CELF1: variants seen among roughly 807,000 people sequenced by gnomAD.
CELF1 encodes the protein CUGBP Elav-like family member 1, also known as 50 kDa nuclear polyadenylated RNA-binding protein.
A neutral mutation model predicts 61.8 loss-of-function variants in CELF1; 10 were observed. The observed-to-expected ratio is 0.16, with a 90% CI of 0.10 to 0.27. The LOEUF (loss-of-function observed/expected upper bound fraction) is 0.27. Among genes scored for constraint, CELF1 ranks in the 10% least tolerant of loss-of-function variants. CELF1 has a pLI of 1.00. For synonymous variants in CELF1, 236 were observed against 225.1 expected (o/e 1.05, Z -0.43); for missense variants, 380 against 639.1 (o/e 0.59, Z 4.37).
chr11:47,487,520 A>G (rs1465283888), intron 4 of CELF1, among the ~76,000 whole-genome samples: 1 of 152,210 alleles, frequency 6.6e-6, no homozygotes, highest in African/African-American at 2.4e-5. Flanking sequence ...CTTCTCATAA[A>G]GAAAGGTCAT....
Position 47,466,620 on chromosome 11 carries a change from T to C in CELF1, c.*5610A>G, listed in dbSNP as rs927273767. On this transcript the variant is annotated 3_prime_UTR_variant, in exon 15 of 15. Coordinates refer to ENST00000687097, the MANE Select transcript of CELF1 (RefSeq NM_001376376.1). ...AGCAGCTGGAAATCAGAAAGGCAGC[T>C]GCCGCTCCAGGGTCTCAAATCCATT... 2 of 152,114 alleles carry C rather than the reference T, an allele frequency of 1.3e-5. No homozygotes were observed. The highest frequency in any genetic ancestry group is 4.8e-5 in the African/African-American group (2 of 41,430). 9.4% of individuals were successfully genotyped at this position (152,114 alleles called of 1,614,324 possible).
chr11:47,482,587 T>C, intron 9 of CELF1, 108 bp downstream of exon 9: 1 of 1,058,646 alleles, frequency 9.4e-7, no homozygotes. Flanking sequence ...ATATAATTTC[T>C]ATATGCCAAA....
chr11:47,472,455 C>A, intron 14 of CELF1, 98 bp from the exon 15 acceptor site: 1 of 1,350,820 alleles, frequency 7.4e-7, no homozygotes, highest in East Asian at 2.3e-5. Flanking sequence ...CATCTCAAAT[C>A]CCAATTTTAT....
At position 47,563,555 on chromosome 11, in the gene CELF1, G is replaced by A. The variant is rs188972858; in HGVS notation, c.-11+796C>T. ...ACACACAAAATTAGCCAGGCATGGT[G>A]GCGGGCACCTGTAGTTCTAGCTACT... On this transcript the variant is annotated intron_variant, in intron 2 of 3. Transcript: ENST00000525841. 6.5e-4 allele frequency among the ~76,000 whole-genome samples: 99 copies of A among 152,212 alleles called. 1 individual carries two copies. Among genetic ancestry groups the A allele is most frequent in the African/African-American group, 2.3e-3 (97 of 41,548 alleles).
chr11:47,477,479 T>C (rs1238845877), intron 10 of CELF1, 54 bp from the exon 11 acceptor site: 2 of 1,592,736 alleles, frequency 1.3e-6, no homozygotes, highest in Admixed American at 3.4e-5. Context: ...TTCATATCCA[T>C]TCCAGCAATG....
At chr11:47,558,539 ATATT>A (rs1340703126) in intron 2 of CELF1, among the ~76,000 whole-genome samples, 1 of 114,646 alleles carries the variant, frequency 8.7e-6, no homozygotes, top group African/African-American at 4.1e-5. Context: ...ATATATTTAT[ATATT>A]TATATTATAT....
At position 47,470,190 on chromosome 11, in the gene CELF1, C is replaced by T. The variant is rs762417673; in HGVS notation, c.*2040G>A. ...TTTAGGTAATAAATATTCTCCACCC[C>T]GGAGCTGTATAAAACTTCTATAAAA... On this transcript the variant is annotated 3_prime_UTR_variant, in exon 15 of 15. Coordinates refer to ENST00000687097, the MANE Select transcript of CELF1 (RefSeq NM_001376376.1). 1.8e-4 allele frequency: 28 copies of T among 152,064 alleles called. No homozygotes were observed. Among genetic ancestry groups the T allele is most frequent in the Non-Finnish European group, 3.8e-4 (26 of 68,014 alleles). The allele number at this position is 152,064 out of a possible 1,614,324, so 9.4% of individuals were successfully genotyped here. A position where few individuals can be genotyped will look rare whatever the true frequency, so the allele number is the denominator to read the frequency against.
At chr11:47,547,430 C>A (rs1309433163) in intron 1 of CELF1, among the ~76,000 whole-genome samples, 2 of 152,016 alleles carry the variant, frequency 1.3e-5, no homozygotes, top group Non-Finnish European at 2.9e-5. Flanking sequence ...GTAATCCCAG[C>A]ACTTTGGGAG....
intron 2 of CELF1, among the ~76,000 whole-genome samples, chr11:47,562,998 C>A (rs1275546392): frequency 6.6e-6 from 1 of 152,068 alleles, no homozygotes; most frequent in Non-Finnish European, 1.5e-5. Flanking sequence ...CAGGTGTGAG[C>A]CACTGTGCCC....
chr11:47,507,033 C>T (rs1040702445), intron 1 of CELF1: 45 of 152,308 alleles, frequency 3.0e-4, no homozygotes, highest in African/African-American at 9.9e-4. Context: ...ACTCCTCCTG[C>T]GCCCTTTTTA....
At chr11:47,482,521 TAG>T (rs948369437) in intron 9 of CELF1, 172 bp downstream of exon 9, 29 of 522,924 alleles carry the variant, frequency 5.5e-5, no homozygotes, top group South Asian at 1.5e-4. Context: ...TACATATATA[TAG>T]AGAGAGAAAG....
chr11:47,500,140 A>C (rs2093711844), intron 2 of CELF1, among the ~76,000 whole-genome samples: 1 of 152,076 alleles, frequency 6.6e-6, no homozygotes, highest in South Asian at 2.1e-4. Context: ...GGTTGAATAA[A>C]CTGGCCACCA....
chr11:47,526,098 G>C (rs1223906823), intron 1 of CELF1, among the ~76,000 whole-genome samples: 2 of 152,104 alleles, frequency 1.3e-5, no homozygotes, highest in East Asian at 3.8e-4. Flanking sequence ...GGGAGGCCAA[G>C]GTGGGCAGAT....
In CELF1 at chr11:47,496,534, T is replaced by C. The variant is rs144548692; in HGVS notation, c.71+2919A>G. On this transcript the variant is annotated intron_variant, in intron 3 of 14. Transcript: ENST00000687097. The stretch of plus-strand genomic sequence containing the variant: ...ATCCTCTACAAATCCTATAAAGGAA[T>C]GTTTAAAAGTTCTATGAAAGAAGTG... Among the ~76,000 whole-genome samples the C allele has an allele frequency of 9.8e-5, 15 of 152,298 alleles. No individual in the cohort carries two copies. In the East Asian group the frequency reaches 2.9e-3, roughly 29 times the overall value.
chr11:47,518,028 T>C (rs1049325914), intron 1 of CELF1, among the ~76,000 whole-genome samples: 1 of 152,068 alleles, frequency 6.6e-6, no homozygotes, highest in African/African-American at 2.4e-5. Context: ...CACTTCCCCC[T>C]GCAACCCATA....
At chr11:47,540,702 G>A (rs879883637) in intron 1 of CELF1, among the ~76,000 whole-genome samples, 3 of 152,098 alleles carry the variant, frequency 2.0e-5, no homozygotes, top group Non-Finnish European at 4.4e-5. Flanking sequence ...TGGCCAAGAT[G>A]GTGAAACCCC....
At chr11:47,532,487 T>C (rs1016102679) in intron 1 of CELF1, among the ~76,000 whole-genome samples, 2 of 152,260 alleles carry the variant, frequency 1.3e-5, no homozygotes, top group Non-Finnish European at 2.9e-5. Flanking sequence ...CCCAGGATGC[T>C]GTAGAAGGGA....
chr11:47,532,296 G>T (rs1375245730), intron 1 of CELF1, among the ~76,000 whole-genome samples: 1 of 152,194 alleles, frequency 6.6e-6, no homozygotes, highest in Non-Finnish European at 1.5e-5. Context: ...AAAGTGCTGG[G>T]ATTACAGGCG....
chr11:47,482,652 G>A, intron 9 of CELF1, 43 bp downstream of exon 9: 2 of 1,574,744 alleles, frequency 1.3e-6, no homozygotes, highest in Non-Finnish European at 1.7e-6. Flanking sequence ...AGGAACAGCT[G>A]GGAGCTTGCA....
Sources: allele counts gnomAD v4.1 joint callset (sites outside exome capture counted in the v4.1 genomes callset), GRCh38; gene constraint gnomAD v4.1.1; transcripts MANE v1.5; gene names NCBI Gene and HGNC (gene_info 2026-07-23, HGNC 2026-07-21).